The following KLRG1 variants were observed in gnomAD, a reference collection of about 807,000 sequenced individuals.
KLRG1 encodes the protein killer cell lectin-like receptor subfamily G member 1.
A neutral mutation model predicts 21.8 loss-of-function variants in KLRG1; 16 were observed. The ratio of observed to expected loss-of-function variants is 0.73; its 90% CI spans 0.50 to 1.11. The LOEUF is 1.11. Ranked by LOEUF, KLRG1 falls within the 50% of genes most tolerant of loss-of-function variation. The pLI, the probability that KLRG1 is intolerant of heterozygous loss-of-function variation, is 0.00. For synonymous variants in KLRG1, 69 were observed against 75.9 expected (o/e 0.91, Z 0.47); for missense variants, 173 against 218.3 (o/e 0.79, Z 1.31).
At chr12:9,114,109 G>A in the KLRG1 span, among the ~76,000 whole-genome samples, 1 of 152,118 alleles carries the variant, frequency 6.6e-6, no homozygotes, top group Non-Finnish European at 1.5e-5. Context: ...AGCTAATAAG[G>A]TCTTAAGAGT....
the KLRG1 span, among the ~76,000 whole-genome samples, chr12:9,087,748 T>A: frequency 1.3e-5 from 2 of 152,114 alleles, no homozygotes; most frequent in Non-Finnish European, 2.9e-5. Context: ...GTATGCTGTA[T>A]ATATATACAA....
the KLRG1 span, chr12:9,094,930 G>A: frequency 2.8e-6 from 3 of 1,087,366 alleles, no homozygotes; most frequent in South Asian, 6.2e-5. Context: ...TTAAAATTTG[G>A]TGAATATATT....
the KLRG1 span, among the ~76,000 whole-genome samples, chr12:9,175,975 T>A: frequency 6.6e-6 from 1 of 152,192 alleles, no homozygotes; most frequent in Non-Finnish European, 1.5e-5. Flanking sequence ...GCCATAGGAA[T>A]ATAAATTATT....
intron 3 of KLRG1, among the ~76,000 whole-genome samples, chr12:9,007,988 T>C (rs975905139): frequency 6.6e-6 from 1 of 152,226 alleles, no homozygotes; most frequent in Non-Finnish European, 1.5e-5. Flanking sequence ...GGATATAAAC[T>C]TCTTCATTTG....
At chr12:9,148,204 T>C in the KLRG1 span, among the ~76,000 whole-genome samples, 3 of 152,338 alleles carry the variant, frequency 2.0e-5, no homozygotes, top group African/African-American at 4.8e-5. Context: ...AATTAACATG[T>C]ACATTACTTC....
the KLRG1 span, among the ~76,000 whole-genome samples, chr12:9,170,534 A>C: frequency 6.6e-6 from 1 of 152,062 alleles, no homozygotes; most frequent in Non-Finnish European, 1.5e-5. This position sits in a 1 kb window ranked among gnomAD's most constrained non-coding sequence, Gnocchi z 4.6. Context: ...GTTAAGACTC[A>C]CTGTCTTGGA....
intron 3 of KLRG1, among the ~76,000 whole-genome samples, chr12:8,998,688 C>CAA (rs201443520): frequency 2.3e-5 from 3 of 129,476 alleles, no homozygotes; most frequent in Non-Finnish European, 5.1e-5. Flanking sequence ...GACTCTGTCT[C>CAA]AAAAAAAAAA....
At chr12:9,077,780 G>A in the KLRG1 span, 3 of 1,614,174 alleles carry the variant, frequency 1.9e-6, no homozygotes, top group Non-Finnish European at 2.5e-6. Context: ...CCATATGAGG[G>A]CTTGGGTAAT....
chr12:9,071,382 CT>C, the KLRG1 span, among the ~76,000 whole-genome samples: 1 of 151,758 alleles, frequency 6.6e-6, no homozygotes, highest in African/African-American at 2.4e-5. Context: ...GAAATTTGGA[CT>C]GCTTAATTTA....
At chr12:9,173,895 AGGTACAAAGAAGAGCT>A in the KLRG1 span, among the ~76,000 whole-genome samples, 1 of 152,362 alleles carries the variant, frequency 6.6e-6, no homozygotes, top group African/African-American at 2.4e-5. Flanking sequence ...ATTCTACCAT[AGGTACAAAGAAGAGCT>A]GGTACCATTT....
the KLRG1 span, among the ~76,000 whole-genome samples, chr12:9,017,833 T>G: frequency 6.6e-6 from 1 of 152,202 alleles, no homozygotes; most frequent in African/African-American, 2.4e-5. Context: ...TCATTCTTGT[T>G]TGTAGATGAT....
chr12:9,169,851 G>A, the KLRG1 span: 3 of 293,934 alleles, frequency 1.0e-5, no homozygotes, highest in Non-Finnish European at 1.9e-5. Flanking sequence ...TCATTGTAGA[G>A]TCTAGAGGTA....
At chr12:9,186,494 C>T in the KLRG1 span, among the ~76,000 whole-genome samples, 3 of 152,124 alleles carry the variant, frequency 2.0e-5, no homozygotes, top group South Asian at 4.2e-4. Flanking sequence ...AGTGGTATGC[C>T]GTCTTTAAGA....
At chr12:9,108,061 C>G in the KLRG1 span, among the ~76,000 whole-genome samples, 1 of 152,274 alleles carries the variant, frequency 6.6e-6, no homozygotes, top group Admixed American at 6.5e-5. Flanking sequence ...CCATCATCCT[C>G]TCCCCATGTG....
the KLRG1 span, among the ~76,000 whole-genome samples, chr12:9,205,968 A>G: frequency 1.6e-4 from 25 of 152,290 alleles, no homozygotes; most frequent in African/African-American, 5.8e-4. Context: ...ACTATATGCC[A>G]TGAATCTCCA....
At chr12:9,164,131 AC>A in the KLRG1 span, 1 of 1,610,794 alleles carries the variant, frequency 6.2e-7, no homozygotes, top group South Asian at 1.1e-5. Flanking sequence ...ACTGTCACTC[AC>A]CCAGAGTTTT....
At chr12:9,077,700 C>T in the KLRG1 span, 1 of 1,613,906 alleles carries the variant, frequency 6.2e-7, no homozygotes, top group Non-Finnish European at 8.5e-7. Flanking sequence ...GAATGATTCA[C>T]CTTTATGGCA....
At chr12:9,157,464 G>T in the KLRG1 span, 1 of 1,026,938 alleles carries the variant, frequency 9.7e-7, no homozygotes, top group Non-Finnish European at 1.4e-6. Flanking sequence ...AGACAGATAG[G>T]CAGACAGCTA....
the KLRG1 span, chr12:9,196,740 T>C: frequency 2.1e-6 from 3 of 1,412,564 alleles, no homozygotes; most frequent in Non-Finnish European, 3.0e-6. Context: ...CAATAGTCAC[T>C]GAATCTACTA....
Sources: gnomAD v4.1 joint callset for allele counts (sites outside exome capture counted in the v4.1 genomes callset) on GRCh38, gnomAD v4.1.1 for gene constraint, Gnocchi (gnomAD v3.1) non-coding constraint, MANE v1.5 for transcripts, NCBI Gene and HGNC (gene_info 2026-07-23, HGNC 2026-07-21) for gene names.